CLN3: variants seen among roughly 807,000 people sequenced by gnomAD.
The protein encoded by CLN3 is CLN3 lysosomal/endosomal transmembrane protein, battenin.
In CLN3, 49 loss-of-function variants were observed where a neutral mutation model predicts 60.7. The ratio of observed to expected loss-of-function variants is 0.81; its 90% confidence interval spans 0.64 to 1.02. CLN3 has a LOEUF of 1.02. CLN3 is among the 50% of genes least tolerant of loss of function. The pLI is 0.00. For missense variants in CLN3, 516 were observed against 557.4 expected, an observed-to-expected ratio of 0.93 and a Z score of 0.75; for synonymous variants, 256 against 245.8, an observed-to-expected ratio of 1.04 and a Z score of -0.39.
chr16:28,476,371 C>T (rs1030700872), downstream of CLN3: 1 of 136,920 alleles, frequency 7.3e-6, no homozygotes, highest in South Asian at 2.3e-4. Context: ...AGGAAGATCG[C>T]GTCTCTACAA....
intron 4 of CLN3, among the ~76,000 whole-genome samples, chr16:28,489,042 C>A (rs1314524709): frequency 1.3e-5 from 2 of 152,178 alleles, no homozygotes; most frequent in Admixed American, 1.3e-4. Context: ...GCTCAGACTA[C>A]AGGTGTGTGC....
chr16:28,485,682 A>AT (rs1343030822), intron 9 of CLN3, among the ~76,000 whole-genome samples: 1 of 139,524 alleles, frequency 7.2e-6, no homozygotes, highest in Non-Finnish European at 1.5e-5. Flanking sequence ...GTCAACACTG[A>AT]TTAAAAAAAA....
Position 28,477,769 on chromosome 16 carries a change from A to T in CLN3, c.1165T>A (p.Tyr389Asn). The T allele has an allele frequency of 1.9e-6, 3 of 1,614,148 alleles. No individual in the cohort carries two copies. The highest frequency in any genetic ancestry group is 2.5e-6 in the Non-Finnish European group (3 of 1,180,028). Residue 389 changes from tyrosine (Y) to asparagine (N), a missense_variant, in exon 15 of 16, where the codon TAC becomes AAC. By Grantham distance (143) the Tyr-to-Asn change is moderately radical. Coordinates refer to ENST00000636147, the MANE Select transcript of CLN3 (RefSeq NM_001042432.2). ...GCGATGTTGTGGAAGGTGTTCACGT[A>T]GGCTGCGCCTCCCAGGAGCCCCTCA... Reference protein sequence around the residue: ...LYEGLLGGAAYVNTFHNIALE... With the variant: ...LYEGLLGGAANVNTFHNIALE...
rs1596567632 is a variant in CLN3 at position 28,491,493 on chromosome 16, C to T, written c.114G>A (p.Ala38=). 1.2e-6 allele frequency: 2 copies of T among 1,613,654 alleles called. No individual in the cohort carries two copies. Among genetic ancestry groups the T allele is most frequent in the South Asian group, 1.1e-5 (1 of 91,052 alleles). Residue 38 remains alanine (A), a synonymous_variant, in exon 3 of 16, where the codon GCG becomes GCA. Transcript: ENST00000636147. ...CTCAGGCCACTCACCAGAAGCCCAC[C>T]GCGTTCTTCCAATGCGCGCCCTGAT... ...LDHQGAHWKN[A]VGFWLLGLCN...
In CLN3 at chr16:28,477,363, CAAG is replaced by C; in HGVS notation, c.*150_*152del. 1.0e-6 allele frequency: 1 copy of C among 1,000,608 alleles called. No individual in the cohort carries two copies. The highest frequency in any genetic ancestry group is 1.4e-5 in the South Asian group (1 of 73,172). 62.0% of individuals were successfully genotyped at this position (1,000,608 alleles called of 1,614,324 possible). A position where few individuals can be genotyped will look rare whatever the true frequency, so the allele number is the denominator to read the frequency against. On this transcript the variant is annotated 3_prime_UTR_variant, in exon 16 of 16. Transcript: ENST00000636147. Reference sequence around the variant, plus strand: ...TGGGAGACAATGGCTGGCCCCCCTGCAAGGGAAACAAGGCTTCAGCCCTTCCCT... The same window carrying C: ...TGGGAGACAATGGCTGGCCCCCCTGCGGAAACAAGGCTTCAGCCCTTCCCT...
downstream of CLN3, chr16:28,470,658 G>T (rs1381650797): frequency 1.5e-5 from 5 of 325,522 alleles, no homozygotes; most frequent in Non-Finnish European, 2.3e-5. Flanking sequence ...GGGGAAGGGG[G>T]GAAGTAAGGG....
intron 5 of CLN3, 23 bp downstream of exon 5, chr16:28,488,568 G>C (rs746774054): frequency 6.2e-7 from 1 of 1,611,680 alleles, no homozygotes; most frequent in Non-Finnish European, 8.5e-7. Context: ...GTCAGGCAAG[G>C]ACCAGGTGAG....
chr16:28,491,638 G>C (rs1567264702), intron 2 of CLN3, 76 bp downstream of exon 2: 4 of 1,613,696 alleles, frequency 2.5e-6, no homozygotes, highest in Non-Finnish European at 3.4e-6. Context: ...TCCCGGGGCC[G>C]AGTCAGCTCT....
intron 10 of CLN3, among the ~76,000 whole-genome samples, chr16:28,482,992 T>C (rs2141704760): frequency 6.6e-6 from 1 of 151,844 alleles, no homozygotes; most frequent in South Asian, 2.1e-4. Context: ...TAGTCCCAGC[T>C]ACTCGGGTGG....
At chr16:28,487,861 C>T (rs1195945795) in intron 5 of CLN3, 120 bp from the exon 6 acceptor site, 5 of 770,390 alleles carry the variant, frequency 6.5e-6, no homozygotes, top group African/African-American at 5.2e-5. Flanking sequence ...GCTCTGGAGT[C>T]AGGCACGCCT....
At chr16:28,485,571 CAAAAAAAAAAAAA>C (rs67148714) in intron 9 of CLN3, among the ~76,000 whole-genome samples, 1 of 11,768 alleles carries the variant, frequency 8.5e-5, no homozygotes, top group Non-Finnish European at 1.3e-4. Flanking sequence ...GACTCCGTCT[CAAAAAAAAAAAAA>C]AAAAAAAAAA....
At chr16:28,487,005 G>A (rs56097360) in intron 7 of CLN3, 128 of 370,002 alleles carry the variant, frequency 3.5e-4, no homozygotes, top group Non-Finnish European at 5.9e-4. Context: ...CTGCCTCCCA[G>A]GTTCAAGAGA....
chr16:28,487,940 T>C (rs2046249364), intron 5 of CLN3, 199 bp from the exon 6 acceptor site: 1 of 593,050 alleles, frequency 1.7e-6, no homozygotes, highest in Non-Finnish European at 3.0e-6. Context: ...AGCTTCAGTT[T>C]CCTCATCTGG....
chr16:28,481,487 GTTC>G (rs1382652408), intron 14 of CLN3, among the ~76,000 whole-genome samples: 4 of 146,098 alleles, frequency 2.7e-5, no homozygotes, highest in Non-Finnish European at 4.5e-5. Flanking sequence ...ACAAAATCTT[GTTC>G]TTCGATTCTT....
chr16:28,472,812 A>AG (rs1262559406), downstream of CLN3, among the ~76,000 whole-genome samples: 1 of 151,302 alleles, frequency 6.6e-6, no homozygotes, highest in East Asian at 1.9e-4. Flanking sequence ...AAAAAAAAAA[A>AG]AAAAAAAAAG....
At chr16:28,481,817 T>A (rs1018036641) in intron 14 of CLN3, among the ~76,000 whole-genome samples, 6 of 151,856 alleles carry the variant, frequency 4.0e-5, no homozygotes, top group African/African-American at 1.5e-4. Flanking sequence ...CAAAATCCCA[T>A]CTCTACTAAA....
chr16:28,491,642 C>G, intron 2 of CLN3, 72 bp downstream of exon 2: 1 of 1,613,808 alleles, frequency 6.2e-7, no homozygotes, highest in Non-Finnish European at 8.5e-7. Flanking sequence ...GGGGCCGAGT[C>G]AGCTCTCATT....
intron 3 of CLN3, 69 bp downstream of exon 3, chr16:28,491,413 T>TC (rs1420273481): frequency 1.9e-6 from 3 of 1,574,502 alleles, no homozygotes; most frequent in Non-Finnish European, 2.6e-6. Flanking sequence ...AACTCTTTCT[T>TC]CCCCCTTTCC....
downstream of CLN3, chr16:28,469,887 G>A (rs200842568): frequency 9.3e-3 from 2,591 of 278,184 alleles, 9 homozygotes; most frequent in East Asian, 0.12. Context: ...CAGGACAATT[G>A]CTTGAACCCC....
Sources: gnomAD v4.1 joint callset for allele counts (sites outside exome capture counted in the v4.1 genomes callset) on GRCh38, gnomAD v4.1.1 for gene constraint, MANE v1.5 for transcripts, NCBI Gene and HGNC (gene_info 2026-07-23, HGNC 2026-07-21) for gene names.